Variants in UBR3 observed in about 807,000 individuals in gnomAD.
The protein encoded by UBR3 is E3 ubiquitin-protein ligase UBR3.
UBR3 carries 85 observed loss-of-function variants against 243.2 expected under a neutral mutation model. The ratio of observed to expected loss-of-function variants is 0.35; its 90% CI spans 0.29 to 0.42. UBR3 has a LOEUF of 0.42. Among genes scored for constraint, UBR3 ranks in the 10% least tolerant of loss-of-function variants. The pLI is 1.00. For synonymous variants in UBR3, 748 were observed against 799.8 expected (o/e 0.94, Z 1.09); for missense variants, 1,686 against 2,300.8 (o/e 0.73, Z 5.47).
intron 1 of UBR3, among the ~76,000 whole-genome samples, chr2:169,832,569 G>A (rs1260039136): frequency 6.8e-6 from 1 of 147,114 alleles, no homozygotes; most frequent in African/African-American, 2.5e-5. Flanking sequence ...TCTGTCTCAG[G>A]AAAAAAAACA....
intron 24 of UBR3, 52 bp from the exon 25 acceptor site, chr2:169,986,593 A>G (rs1320861948): frequency 1.3e-6 from 2 of 1,537,672 alleles, no homozygotes; most frequent in Non-Finnish European, 1.8e-6. Context: ...ACTTTCATTG[A>G]AGAGAGATTT....
At chr2:169,980,646 T>TA (rs1183366028) in intron 24 of UBR3, among the ~76,000 whole-genome samples, 1 of 151,978 alleles carries the variant, frequency 6.6e-6, no homozygotes, top group East Asian at 1.9e-4. Flanking sequence ...CTTTAAGTTT[T>TA]AGGGTACATG....
intron 32 of UBR3, among the ~76,000 whole-genome samples, chr2:170,050,197 G>A (rs1194135145): frequency 6.6e-6 from 1 of 152,136 alleles, no homozygotes; most frequent in East Asian, 1.9e-4. Flanking sequence ...AAATAGACTT[G>A]AGTTTTTCAC....
At chr2:169,924,433 T>C (rs2085826310) in intron 13 of UBR3, among the ~76,000 whole-genome samples, 1 of 152,192 alleles carries the variant, frequency 6.6e-6, no homozygotes, top group Non-Finnish European at 1.5e-5. Context: ...AGCACTGTTT[T>C]GGGAGTCAGG....
intron 1 of UBR3, among the ~76,000 whole-genome samples, chr2:169,846,807 A>C (rs1464111174): frequency 6.6e-6 from 1 of 152,112 alleles, no homozygotes; most frequent in Non-Finnish European, 1.5e-5. Context: ...ATCATGGCTC[A>C]CTGCAGTCTT....
At chr2:169,890,144 G>C (rs919713431) in intron 5 of UBR3, among the ~76,000 whole-genome samples, 5 of 152,090 alleles carry the variant, frequency 3.3e-5, no homozygotes, top group Admixed American at 2.0e-4. Context: ...TCTGAGTTCT[G>C]CTGCAAAGAC....
At chr2:169,985,101 T>C (rs1455662210) in intron 24 of UBR3, among the ~76,000 whole-genome samples, 1 of 152,114 alleles carries the variant, frequency 6.6e-6, no homozygotes, top group Non-Finnish European at 1.5e-5. Flanking sequence ...GTTATTTCAC[T>C]GTACTTTGTC....
intron 24 of UBR3, among the ~76,000 whole-genome samples, chr2:169,965,341 A>T (rs958105756): frequency 6.6e-6 from 1 of 152,088 alleles, no homozygotes; most frequent in Non-Finnish European, 1.5e-5. Flanking sequence ...CTTATTTCAT[A>T]TCTGTGTTGT....
chr2:169,881,818 T>A (rs561796515), intron 5 of UBR3, among the ~76,000 whole-genome samples: 1 of 137,498 alleles, frequency 7.3e-6, no homozygotes, highest in African/African-American at 2.7e-5. Flanking sequence ...AATATACATA[T>A]AATTATATAT....
At chr2:169,880,545 C>T (rs765272852) in intron 5 of UBR3, among the ~76,000 whole-genome samples, 12 of 152,102 alleles carry the variant, frequency 7.9e-5, no homozygotes, top group Non-Finnish European at 1.5e-4. Context: ...TTTCATTGTA[C>T]ACAACTGCAT....
intron 8 of UBR3, among the ~76,000 whole-genome samples, chr2:169,904,493 GC>G (rs2084943123): frequency 6.6e-6 from 1 of 151,916 alleles, no homozygotes; most frequent in African/African-American, 2.4e-5. Context: ...TTTCGTACAA[GC>G]CTATCCTCCC....
At chr2:170,004,907 A>G (rs914317957) in intron 27 of UBR3, among the ~76,000 whole-genome samples, 4 of 150,968 alleles carry the variant, frequency 2.6e-5, no homozygotes, top group African/African-American at 9.7e-5. Flanking sequence ...GCAAAACTCC[A>G]TCTCAAAACA....
At chr2:169,988,757 G>T (rs921548121) in intron 25 of UBR3, among the ~76,000 whole-genome samples, 5 of 152,048 alleles carry the variant, frequency 3.3e-5, no homozygotes, top group Non-Finnish European at 7.4e-5. Flanking sequence ...AGCTGAGATT[G>T]CACTCTAGCC....
At chr2:169,836,067 A>ATATATAT (rs1558999159) in intron 1 of UBR3, among the ~76,000 whole-genome samples, 2 of 32,666 alleles carry the variant, frequency 6.1e-5, no homozygotes, top group African/African-American at 1.2e-4. Flanking sequence ...ATATATATAT[A>ATATATAT]TTTTTTTTTT....
chr2:169,896,654 G>C lies in UBR3; in HGVS notation c.1384G>C (p.Glu462Gln). 6.4e-7 allele frequency: 1 copy of C among 1,551,372 alleles called. No homozygotes were observed. Among genetic ancestry groups the C allele is most frequent in the Non-Finnish European group, 8.7e-7 (1 of 1,146,820 alleles). The change falls in exon 8 of 39, where the codon GAA becomes CAA. Residue 462 changes from glutamate (E) to glutamine (Q), a missense_variant. Transcript: ENST00000272793. The stretch of plus-strand genomic sequence containing the variant: ...TGAGGAGCTAGCCAGACAGGTAACA[G>C]AAGAATGTCAGCTGCTGGATATTAT... ...SNEELARQVT[E>Q]ECQLLDIMVT...
intron 30 of UBR3, among the ~76,000 whole-genome samples, chr2:170,020,752 C>T (rs2090368818): frequency 6.6e-6 from 1 of 152,004 alleles, no homozygotes. Context: ...TTTTGTTTTT[C>T]TTTTCTTTTG....
intron 2 of UBR3, 77 bp downstream of exon 2, chr2:169,872,452 G>A: frequency 9.3e-7 from 1 of 1,078,742 alleles, no homozygotes; most frequent in Non-Finnish European, 1.3e-6. Flanking sequence ...ATTATGAGGT[G>A]AATTTTTTTA....
Position 170,080,039 on chromosome 2 carries a change from T to C in UBR3, c.5409+16T>C, listed in dbSNP as rs1389524413. ...ATGTGTACTGGTAAGCAATAGTAGATAATACAAAATTTATGAAAACACAGA... is the reference window on the plus strand; with the variant it reads ...ATGTGTACTGGTAAGCAATAGTAGACAATACAAAATTTATGAAAACACAGA... On this transcript the variant is annotated intron_variant, in intron 37 of 38. Transcript: ENST00000272793. 1 of 1,595,110 alleles carries C rather than the reference T, an allele frequency of 6.3e-7. No individual in the cohort carries two copies. Among genetic ancestry groups the C allele is most frequent in the Non-Finnish European group, 8.5e-7 (1 of 1,172,794 alleles).
intron 19 of UBR3, among the ~76,000 whole-genome samples, chr2:169,941,860 A>C (rs1195938220): frequency 6.6e-6 from 1 of 152,192 alleles, no homozygotes; most frequent in Non-Finnish European, 1.5e-5. Context: ...AGAGACAGAC[A>C]AGCTAATTCA....
Sources: allele counts gnomAD v4.1 joint callset (sites outside exome capture counted in the v4.1 genomes callset), GRCh38; gene constraint gnomAD v4.1.1; transcripts MANE v1.5; gene names NCBI Gene and HGNC (gene_info 2026-07-23, HGNC 2026-07-21).